RNLS: variants seen among roughly 807,000 people sequenced by gnomAD.
RNLS encodes the protein renalase.
A neutral mutation model predicts 39.8 loss-of-function variants in RNLS; 39 were observed. The ratio of observed to expected loss-of-function variants is 0.98; its 90% CI spans 0.76 to 1.28. RNLS has a LOEUF of 1.28. Ranked by LOEUF, RNLS falls within the 50% of genes most tolerant of loss-of-function variation. The probability of loss-of-function intolerance (pLI) is 0.00; values close to 1 mark genes in which losing one functional copy is unlikely to be tolerated. For synonymous variants in RNLS, 147 were observed against 150.7 expected (o/e 0.98, Z 0.18); for missense variants, 410 against 413.3 (o/e 0.99, Z 0.07).
chr10:88,284,521 T>G lies in RNLS; in HGVS notation c.*833A>C. 1.0e-6 allele frequency: 1 copy of G among 985,354 alleles called. No individual in the cohort carries two copies. Among genetic ancestry groups the G allele is most frequent in the South Asian group, 4.7e-5 (1 of 21,288 alleles). The allele number at this position is 985,354 out of a possible 1,614,324, so 61.0% of individuals were successfully genotyped here. ...TAAGTGCATCTATTTTCTGGTTCAG[T>G]AAATTTTTTGTTGTGTTAAATTCAT... On this transcript the variant is annotated 3_prime_UTR_variant, in exon 7 of 7. Coordinates refer to ENST00000331772, the MANE Select transcript of RNLS (RefSeq NM_001031709.3).
At chr10:88,435,685 G>A (rs1270393294) in intron 4 of RNLS, among the ~76,000 whole-genome samples, 1 of 151,950 alleles carries the variant, frequency 6.6e-6, no homozygotes, top group East Asian at 1.9e-4. Flanking sequence ...ACAGCTGCAG[G>A]GCAAAAGGAA....
At chr10:88,174,533 T>C in the RNLS span, among the ~76,000 whole-genome samples, 1 of 152,202 alleles carries the variant, frequency 6.6e-6, no homozygotes, top group Non-Finnish European at 1.5e-5. Context: ...TTTTTTGTTC[T>C]TCATTTTTAG....
chr10:88,498,057 G>T (rs956808773), intron 4 of RNLS, among the ~76,000 whole-genome samples: 4 of 151,898 alleles, frequency 2.6e-5, no homozygotes, highest in Non-Finnish European at 4.4e-5. Context: ...TGAGAAACAG[G>T]ATATTTACAT....
chr10:88,507,347 A>G (rs1490612960), intron 4 of RNLS, among the ~76,000 whole-genome samples: 3 of 152,162 alleles, frequency 2.0e-5, no homozygotes, highest in Non-Finnish European at 4.4e-5. Context: ...TGAAAAATAC[A>G]AAACAGTAAA....
chr10:88,514,357 G>A (rs1451797006), intron 4 of RNLS, among the ~76,000 whole-genome samples: 1 of 152,000 alleles, frequency 6.6e-6, no homozygotes, highest in East Asian at 1.9e-4. Context: ...CCTCCTACCA[G>A]GTCCCTCCCT....
chr10:88,325,319 T>G (rs1387207692), intron 5 of RNLS, among the ~76,000 whole-genome samples: 3 of 148,530 alleles, frequency 2.0e-5, no homozygotes, highest in Non-Finnish European at 4.5e-5. Flanking sequence ...TTTGTTCTGT[T>G]TTTGTTTTTA....
At chr10:88,181,632 G>T in the RNLS span, among the ~76,000 whole-genome samples, 29 of 152,104 alleles carry the variant, frequency 1.9e-4, no homozygotes, top group Non-Finnish European at 4.0e-4. Flanking sequence ...TATAGGATCA[G>T]TTTATTTAAG....
the RNLS span, among the ~76,000 whole-genome samples, chr10:88,245,966 C>T: frequency 1.9e-4 from 29 of 152,196 alleles, no homozygotes; most frequent in African/African-American, 7.0e-4. Flanking sequence ...GCCTGTAGCA[C>T]CTTGAGCAAT....
intron 5 of RNLS, among the ~76,000 whole-genome samples, chr10:88,326,041 T>C (rs530772548): frequency 7.2e-5 from 11 of 152,336 alleles, no homozygotes; most frequent in East Asian, 5.8e-4. Context: ...TCCCCAGCCA[T>C]GCAAAACTGT....
intron 4 of RNLS, among the ~76,000 whole-genome samples, chr10:88,515,533 G>A (rs1032731161): frequency 6.6e-6 from 1 of 152,050 alleles, no homozygotes; most frequent in Non-Finnish European, 1.5e-5. Flanking sequence ...ACTCCTCAAG[G>A]CTGGTTTCAA....
intron 3 of RNLS, among the ~76,000 whole-genome samples, chr10:88,576,697 C>T (rs1056443801): frequency 6.6e-6 from 1 of 152,132 alleles, no homozygotes; most frequent in Non-Finnish European, 1.5e-5. Context: ...CTCACTTCCC[C>T]TCTATCAATT....
At chr10:88,403,523 C>T (rs968857826) in intron 4 of RNLS, among the ~76,000 whole-genome samples, 1 of 152,002 alleles carries the variant, frequency 6.6e-6, no homozygotes, top group Admixed American at 6.6e-5. Flanking sequence ...TTTTGGGTCA[C>T]ATTGGGATTA....
chr10:88,247,776 C>A, the RNLS span, among the ~76,000 whole-genome samples: 4 of 152,130 alleles, frequency 2.6e-5, no homozygotes, highest in African/African-American at 9.7e-5. Context: ...CCTGGGTAGG[C>A]CCAATATAAT....
the RNLS span, among the ~76,000 whole-genome samples, chr10:88,196,539 A>G: frequency 2.0e-5 from 3 of 152,204 alleles, no homozygotes; most frequent in Admixed American, 6.6e-5. Flanking sequence ...TGGTCAATGC[A>G]GTGTGGATGG....
intron 6 of RNLS, among the ~76,000 whole-genome samples, chr10:88,302,867 GA>G (rs1182067196): frequency 2.6e-5 from 4 of 152,310 alleles, no homozygotes; most frequent in East Asian, 1.9e-4. Context: ...AATGCAGGGA[GA>G]GGGGGGAGGC....
At chr10:88,474,720 A>G (rs1843714181) in intron 4 of RNLS, among the ~76,000 whole-genome samples, 1 of 152,110 alleles carries the variant, frequency 6.6e-6, no homozygotes, top group Non-Finnish European at 1.5e-5. Context: ...TCTAAACCTG[A>G]GCATCTCATC....
At chr10:88,371,899 G>A (rs1018689331) in intron 4 of RNLS, among the ~76,000 whole-genome samples, 8 of 152,102 alleles carry the variant, frequency 5.3e-5, no homozygotes, top group African/African-American at 1.7e-4. Flanking sequence ...GGTGTTATAG[G>A]ACAATAAAGT....
chr10:88,245,145 G>C, the RNLS span, among the ~76,000 whole-genome samples: 2 of 152,236 alleles, frequency 1.3e-5, no homozygotes, highest in Non-Finnish European at 2.9e-5. Context: ...GCATCAGCTC[G>C]AAGATTTACC....
chr10:88,488,772 T>C (rs9664772), intron 4 of RNLS, among the ~76,000 whole-genome samples: 2,646 of 152,296 alleles, frequency 0.017, 40 homozygotes, highest in East Asian at 0.067. Context: ...TACGTTATTA[T>C]GTAAAAGCGG....
Sources: gnomAD v4.1 joint callset for allele counts (sites outside exome capture counted in the v4.1 genomes callset) on GRCh38, gnomAD v4.1.1 for gene constraint, MANE v1.5 for transcripts, NCBI Gene and HGNC (gene_info 2026-07-23, HGNC 2026-07-21) for gene names.